Variants in SHISA6 observed in about 807,000 individuals in gnomAD.
SHISA6 encodes shisa family member 6, also known as protein shisa-6.
In SHISA6, 22 loss-of-function variants were observed where a neutral mutation model predicts 47.9. The ratio of observed to expected loss-of-function variants is 0.46; its 90% confidence interval spans 0.33 to 0.66. SHISA6 has a LOEUF of 0.66. SHISA6 is among the 30% of genes least tolerant of loss of function. The probability of loss-of-function intolerance (pLI) is 0.02; values close to 1 mark genes in which losing one functional copy is unlikely to be tolerated. For missense variants in SHISA6, 680 were observed against 764.6 expected (o/e 0.89, Z 1.30); for synonymous variants, 388 against 337.8 (o/e 1.15, Z -1.63).
At chr17:11,252,355 C>T (rs1247606553) in intron 1 of SHISA6, among the ~76,000 whole-genome samples, 1 of 152,178 alleles carries the variant, frequency 6.6e-6, no homozygotes, top group Non-Finnish European at 1.5e-5. Flanking sequence ...GGACATCTGT[C>T]CTCTGGACAT....
intron 3 of SHISA6, among the ~76,000 whole-genome samples, chr17:11,435,162 C>A (rs72807165): frequency 0.045 from 6,750 of 151,488 alleles, 197 homozygotes; most frequent in East Asian, 0.14. Flanking sequence ...TCTTTTTTAA[C>A]CATAAGAATT....
chr17:11,542,379 A>G (rs2071841854), intron 3 of SHISA6, among the ~76,000 whole-genome samples: 1 of 152,200 alleles, frequency 6.6e-6, no homozygotes, highest in Non-Finnish European at 1.5e-5. Flanking sequence ...ACATACAGCA[A>G]AAATAATCTT....
intron 3 of SHISA6, among the ~76,000 whole-genome samples, chr17:11,408,988 C>T (rs1383279982): frequency 1.3e-5 from 2 of 152,040 alleles, no homozygotes; most frequent in Admixed American, 1.3e-4. Context: ...ACACACAGAG[C>T]AAATGGAACC....
In SHISA6 at chr17:11,558,921, CCT is replaced by C. The variant is rs1380484856; in HGVS notation, c.*618_*619del. On this transcript the variant is annotated 3_prime_UTR_variant, in exon 6 of 6. Coordinates refer to ENST00000441885, the MANE Select transcript of SHISA6 (RefSeq NM_207386.4). ...CTGAGTGACCCTTCCTTTGCTGACCCCTGAGGGCCCAACCCTGGCCCTGTGCC... is the reference window on the plus strand; with the variant it reads ...CTGAGTGACCCTTCCTTTGCTGACCCGAGGGCCCAACCCTGGCCCTGTGCC... 1 of 154,016 alleles carries C rather than the reference CCT, an allele frequency of 6.5e-6. No individual in the cohort carries two copies. Among genetic ancestry groups the C allele is most frequent in the Non-Finnish European group, 1.4e-5 (1 of 69,184 alleles). The allele number at this position is 154,016 out of a possible 1,614,324, so 9.5% of individuals were successfully genotyped here. A position where few individuals can be genotyped will look rare whatever the true frequency, so the allele number is the denominator to read the frequency against.
intron 2 of SHISA6, among the ~76,000 whole-genome samples, chr17:11,356,957 G>C (rs1399972246): frequency 6.6e-6 from 1 of 152,030 alleles, no homozygotes; most frequent in African/African-American, 2.4e-5. Flanking sequence ...CGGATCATGA[G>C]GTCAGGAGTT....
At chr17:11,482,745 T>C (rs1163570321) in intron 3 of SHISA6, among the ~76,000 whole-genome samples, 5 of 152,130 alleles carry the variant, frequency 3.3e-5, no homozygotes, top group Non-Finnish European at 4.4e-5. Context: ...GCCAAAACTT[T>C]GACAGCAGGT....
chr17:11,377,246 G>T (rs1274460023), intron 2 of SHISA6, among the ~76,000 whole-genome samples: 2 of 152,112 alleles, frequency 1.3e-5, no homozygotes, highest in Admixed American at 1.3e-4. Flanking sequence ...GGGGTTACAG[G>T]CATGAACCAC....
intron 2 of SHISA6, among the ~76,000 whole-genome samples, chr17:11,314,101 A>G (rs895835214): frequency 1.3e-5 from 2 of 152,138 alleles, no homozygotes; most frequent in Non-Finnish European, 2.9e-5. Flanking sequence ...AGCCCTGTGG[A>G]CCAAACTGAC....
At position 11,563,868 on chromosome 17, in the gene SHISA6, A is replaced by G. The variant is rs777264603; in HGVS notation, c.*5564A>G. 2 of 152,272 alleles carry G rather than the reference A, an allele frequency of 1.3e-5. No homozygotes were observed. The allele number at this position is 152,272 out of a possible 1,614,324, so 9.4% of individuals were successfully genotyped here. On this transcript the variant is annotated 3_prime_UTR_variant, in exon 6 of 6. Coordinates refer to ENST00000441885, the MANE Select transcript of SHISA6 (RefSeq NM_207386.4). ...TATCTTTGCAGTTTCTTCGTTACTC[A>G]TATGTAAGCCTCATGGTAAGCAGTG... is the stretch of plus-strand genomic sequence containing the variant.
intron 3 of SHISA6, among the ~76,000 whole-genome samples, chr17:11,439,666 GT>G (rs1269742487): frequency 6.6e-6 from 1 of 151,682 alleles, no homozygotes; most frequent in African/African-American, 2.4e-5. Context: ...AATAAAGCAG[GT>G]AAAAAAAATT....
At chr17:11,302,960 C>A (rs966231668) in intron 2 of SHISA6, among the ~76,000 whole-genome samples, 1 of 152,160 alleles carries the variant, frequency 6.6e-6, no homozygotes, top group Non-Finnish European at 1.5e-5. Context: ...ATGGCTTTGT[C>A]ATTTCCCATC....
At chr17:11,404,281 A>G (rs977791911) in intron 3 of SHISA6, among the ~76,000 whole-genome samples, 14 of 152,326 alleles carry the variant, frequency 9.2e-5, no homozygotes, top group African/African-American at 3.1e-4. Context: ...GAGAGAGTCT[A>G]TTGGCAAGAA....
At position 11,279,925 on chromosome 17, in the gene SHISA6, C is replaced by A. The variant is rs369643376; in HGVS notation, c.799+16399C>A. Among the ~76,000 whole-genome samples the A allele has an allele frequency of 4.6e-5, 7 of 152,230 alleles. No homozygotes were observed. In the East Asian group the frequency reaches 1.4e-3, roughly 29 times the overall value. ...CAAACACCTGGCTCCTTAGATTTTC[C>A]TGTAAAAGAAGCTTGTGGTGACTTT... On this transcript the variant is annotated intron_variant, in intron 2 of 5. Transcript: ENST00000441885.
At chr17:11,425,006 CAAAAAAAAAA>C (rs34270452) in intron 3 of SHISA6, among the ~76,000 whole-genome samples, 2 of 70,052 alleles carry the variant, frequency 2.9e-5, no homozygotes, top group Admixed American at 3.6e-4. Context: ...TACTCCGTCT[CAAAAAAAAAA>C]AAAAAAAAAA....
chr17:11,501,858 A>G (rs2071456599), intron 3 of SHISA6, among the ~76,000 whole-genome samples: 2 of 152,144 alleles, frequency 1.3e-5, no homozygotes, highest in Admixed American at 1.3e-4. Flanking sequence ...CTCCTAATAT[A>G]GTGGAAAAGG....
intron 2 of SHISA6, among the ~76,000 whole-genome samples, chr17:11,360,051 G>T (rs1912212249): frequency 6.6e-6 from 1 of 152,176 alleles, no homozygotes; most frequent in African/African-American, 2.4e-5. Flanking sequence ...CCATAGCAAA[G>T]ACTTGGAACC....
chr17:11,331,536 T>A (rs1476160249), intron 2 of SHISA6, among the ~76,000 whole-genome samples: 2 of 152,018 alleles, frequency 1.3e-5, no homozygotes, highest in East Asian at 1.9e-4. Flanking sequence ...ACTTTTTGAA[T>A]GAAAAAAATA....
intron 3 of SHISA6, among the ~76,000 whole-genome samples, chr17:11,518,514 T>G (rs1023416259): frequency 6.6e-6 from 1 of 152,224 alleles, no homozygotes; most frequent in African/African-American, 2.4e-5. Flanking sequence ...CCCTGTGATC[T>G]GTACTGGCTT....
intron 3 of SHISA6, among the ~76,000 whole-genome samples, chr17:11,551,511 A>C (rs761906531): frequency 6.6e-6 from 1 of 151,980 alleles, no homozygotes; most frequent in African/African-American, 2.4e-5. Flanking sequence ...CCACACCCTA[A>C]TACCCACCAC....
Sources: gnomAD v4.1 joint callset for allele counts (sites outside exome capture counted in the v4.1 genomes callset) on GRCh38, gnomAD v4.1.1 for gene constraint, MANE v1.5 for transcripts, NCBI Gene and HGNC (gene_info 2026-07-23, HGNC 2026-07-21) for gene names.